The following TRIM23 variants were observed in gnomAD, a reference collection of about 807,000 sequenced individuals.
The protein encoded by TRIM23 is tripartite motif containing 23.
A neutral mutation model predicts 71.0 loss-of-function variants in TRIM23; 27 were observed. The observed-to-expected ratio is 0.38, with a 90% CI of 0.28 to 0.52. TRIM23 has a LOEUF of 0.52. Ranked by LOEUF, TRIM23 falls within the 20% of genes least tolerant of loss-of-function variation. The probability of loss-of-function intolerance (pLI) is 0.84; values close to 1 mark genes in which losing one functional copy is unlikely to be tolerated. For synonymous variants in TRIM23, 234 were observed against 238.0 expected (o/e 0.98, Z 0.16); for missense variants, 482 against 692.3 (o/e 0.70, Z 3.41).
chr5:65,600,553 G>GA, intron 7 of TRIM23, among the ~76,000 whole-genome samples: 1 of 126,320 alleles, frequency 7.9e-6, no homozygotes. Flanking sequence ...ACTCCTAGAA[G>GA]AAAAAACAGA....
At chr5:65,601,201 A>G (rs921908620) in intron 7 of TRIM23, among the ~76,000 whole-genome samples, 3 of 152,242 alleles carry the variant, frequency 2.0e-5, no homozygotes, top group African/African-American at 2.4e-5. Context: ...TCACGTACAC[A>G]GCAGCACTAT....
At position 65,614,118 on chromosome 5, in the gene TRIM23, A is replaced by G; in HGVS notation, c.346T>C (p.Ser116Pro). ...PIGQYGAAEE[S>P]IGISGESIIR... is the part of the protein sequence containing the mutation. ...AATACCTCTCCAGATATCCCAATGG[A>G]TTCTTCTGCAGCTCCATACTGACCA... The change falls in exon 3 of 11, where the codon TCC becomes CCC. Residue 116 changes from serine to proline, a missense_variant. Ser to Pro is a moderately conservative substitution (Grantham distance 74, BLOSUM62 -1). Transcript: ENST00000231524. 6.2e-7 allele frequency: 1 copy of G among 1,613,906 alleles called. No homozygotes were observed. The highest frequency in any genetic ancestry group is 8.5e-7 in the Non-Finnish European group (1 of 1,179,938).
chr5:65,614,315 GTTA>G, intron 2 of TRIM23, 96 bp from the exon 3 acceptor site: 1 of 1,158,440 alleles, frequency 8.6e-7, no homozygotes, highest in South Asian at 1.6e-5. Context: ...TAGTTCAGTA[GTTA>G]ATGTCTAAAT....
chr5:65,605,192 T>C lies in TRIM23; in HGVS notation c.1045-147A>G, dbSNP rs1371303650. ...TTTGACAAAAATAATAATTGAGCAT[T>C]AATAAATAATTTAAGGACTTAGCAA... is the stretch of plus-strand genomic sequence containing the variant. On this transcript the variant is annotated intron_variant, in intron 6 of 10. Coordinates refer to ENST00000231524, the MANE Select transcript of TRIM23 (RefSeq NM_001656.4). The C allele has an allele frequency of 8.2e-6, 6 of 732,504 alleles. No homozygotes were observed. In the African/African-American group the frequency reaches 8.9e-5, roughly 11 times the overall value. The allele number at this position is 732,504 out of a possible 1,614,324, so 45.4% of individuals were successfully genotyped here. A position where few individuals can be genotyped will look rare whatever the true frequency, so the allele number is the denominator to read the frequency against.
At chr5:65,595,985 G>C (rs1754192767) in intron 9 of TRIM23, among the ~76,000 whole-genome samples, 1 of 152,134 alleles carries the variant, frequency 6.6e-6, no homozygotes, top group Non-Finnish European at 1.5e-5. Context: ...TCTTCTGCAG[G>C]TAATAACTAT....
chr5:65,620,578 A>G (rs905376182), intron 1 of TRIM23, among the ~76,000 whole-genome samples: 2 of 92,232 alleles, frequency 2.2e-5, no homozygotes, highest in African/African-American at 8.0e-5. Flanking sequence ...GTGGGGAAAG[A>G]GCAAATTTTT....
intron 2 of TRIM23, among the ~76,000 whole-genome samples, chr5:65,617,636 A>T (rs1476169452): frequency 6.6e-6 from 1 of 152,242 alleles, no homozygotes; most frequent in Non-Finnish European, 1.5e-5. Context: ...ACAGAAAATA[A>T]AGAGTAATTA....
intron 6 of TRIM23, among the ~76,000 whole-genome samples, chr5:65,607,719 A>G (rs1754544687): frequency 6.6e-6 from 1 of 152,254 alleles, no homozygotes; most frequent in Admixed American, 6.5e-5. Flanking sequence ...AACTATGAAC[A>G]AACTTTTTCA....
intron 7 of TRIM23, among the ~76,000 whole-genome samples, chr5:65,599,118 T>A (rs1754291558): frequency 1.3e-5 from 2 of 152,038 alleles, no homozygotes; most frequent in Admixed American, 1.3e-4. Flanking sequence ...TAAAGGAAGA[T>A]GTAAAATTAT....
Position 65,591,350 on chromosome 5 carries a change from T to TA in TRIM23, c.*418dup, listed in dbSNP as rs1754018038. On this transcript the variant is annotated 3_prime_UTR_variant, in exon 11 of 11. Transcript: ENST00000231524. ...GCCAACATTCAGTGAAAAGGCAGGT[T>TA]AAAAGAAGCAGCTATACTTCACTTG... 6.8e-7 allele frequency: 1 copy of TA among 1,480,948 alleles called. No homozygotes were observed. Among genetic ancestry groups the TA allele is most frequent in the East Asian group, 2.7e-5 (1 of 37,566 alleles). The allele number at this position is 1,480,948 out of a possible 1,614,324, so 91.7% of individuals were successfully genotyped here. A position where few individuals can be genotyped will look rare whatever the true frequency, so the allele number is the denominator to read the frequency against.
chr5:65,624,075 G>A lies in TRIM23; in HGVS notation c.81+119C>T, dbSNP rs1358002035. ...CAGGACGAGACTTGTAATGCCAAAA[G>A]GGGCCCAGAGGCCGCGCATCCCACC... On this transcript the variant is annotated intron_variant, in intron 1 of 10. Coordinates refer to ENST00000231524, the MANE Select transcript of TRIM23 (RefSeq NM_001656.4). 13 of 1,169,032 alleles carry A rather than the reference G, an allele frequency of 1.1e-5. No homozygotes were observed. The Admixed American group carries it at 1.3e-4, about 12-fold the overall frequency. 72.4% of individuals were successfully genotyped at this position (1,169,032 alleles called of 1,614,324 possible).
intron 10 of TRIM23, 122 bp downstream of exon 10, chr5:65,594,399 T>G: frequency 7.8e-7 from 1 of 1,283,750 alleles, no homozygotes. Flanking sequence ...TAGATTGTAC[T>G]CAAAATACAC....
chr5:65,611,369 T>G (rs1384708861), intron 4 of TRIM23, among the ~76,000 whole-genome samples: 1 of 151,994 alleles, frequency 6.6e-6, no homozygotes, highest in African/African-American at 2.4e-5. Context: ...GTTTGTTTCC[T>G]GCTCGAAAGC....
chr5:65,611,906 T>C, intron 3 of TRIM23, 25 bp from the exon 4 acceptor site: 6 of 1,598,694 alleles, frequency 3.8e-6, no homozygotes, highest in Non-Finnish European at 4.3e-6. Context: ...ATTAATGCCT[T>C]AAAATTGAAC....
rs996061188 is a variant in TRIM23, at chr5:65,608,037, T to C, written c.1044+1206A>G. Among the ~76,000 whole-genome samples the C allele has an allele frequency of 2.6e-5, 4 of 152,246 alleles. No individual in the cohort carries two copies. The South Asian group carries it at 6.2e-4, about 24-fold the overall frequency. On this transcript the variant is annotated intron_variant, in intron 6 of 10. Transcript: ENST00000231524. Reference sequence around the variant, plus strand: ...AAAACTGTTAACTAGGTGTAGTTATTAACTAGGTAGCTAAAAGGTTAAAAG... The same window carrying C: ...AAAACTGTTAACTAGGTGTAGTTATCAACTAGGTAGCTAAAAGGTTAAAAG...
intron 1 of TRIM23, 124 bp downstream of exon 1, chr5:65,624,070 C>G: frequency 8.9e-7 from 1 of 1,129,916 alleles, no homozygotes; most frequent in Non-Finnish European, 1.3e-6. Flanking sequence ...CTTGTAATGC[C>G]AAAAGGGGCC....
At chr5:65,601,777 C>G (rs1459359415) in intron 7 of TRIM23, among the ~76,000 whole-genome samples, 4 of 152,176 alleles carry the variant, frequency 2.6e-5, no homozygotes, top group African/African-American at 9.6e-5. Context: ...TTCTGTGCAC[C>G]CACAGGCTCA....
At chr5:65,607,015 GAATA>G (rs562593162) in intron 6 of TRIM23, 3 of 152,166 alleles carry the variant, frequency 2.0e-5, no homozygotes, top group Non-Finnish European at 2.9e-5. Context: ...TTTGCTAAAT[GAATA>G]AATATTCAGC....
At position 65,610,981 on chromosome 5, in the gene TRIM23, G is replaced by A; in HGVS notation, c.708C>T (p.Cys236=). The change falls in exon 5 of 11, where the codon TGC becomes TGT. Residue 236 remains cysteine (C), a synonymous_variant. Coordinates refer to ENST00000231524, the MANE Select transcript of TRIM23 (RefSeq NM_001656.4). ...IRASILDMAH[C]IRTFTEEISD... ...AGATTTCCTCTGTGAAGGTCCGTAT[G>A]CAGTGAGCCATATCTAAAATTGATG... 1.9e-6 allele frequency: 3 copies of A among 1,613,802 alleles called. No homozygotes were observed. Among genetic ancestry groups the A allele is most frequent in the Middle Eastern group, 1.7e-4 (1 of 6,058 alleles).
Sources: gnomAD v4.1 joint callset for allele counts (sites outside exome capture counted in the v4.1 genomes callset) on GRCh38, gnomAD v4.1.1 for gene constraint, MANE v1.5 for transcripts, NCBI Gene and HGNC (gene_info 2026-07-23, HGNC 2026-07-21) for gene names.